Variants in OVCH1 observed in about 807,000 individuals in gnomAD.
OVCH1 encodes the protein ovochymase-1.
A neutral mutation model predicts 138.4 loss-of-function variants in OVCH1; 139 were observed. That is an observed-to-expected ratio of 1.00 (90% confidence interval 0.87 to 1.16). The LOEUF is 1.16. OVCH1 is among the 50% of genes most tolerant of loss of function. OVCH1 has a pLI of 0.00. For synonymous variants in OVCH1, 453 were observed against 467.8 expected, an observed-to-expected ratio of 0.97 and a Z score of 0.41; for missense variants, 1,367 against 1,357.9, an observed-to-expected ratio of 1.01 and a Z score of -0.11.
At chr12:29,451,054 G>C (rs1941777582) in intron 22 of OVCH1, among the ~76,000 whole-genome samples, 2 of 151,950 alleles carry the variant, frequency 1.3e-5, no homozygotes, top group Admixed American at 6.6e-5. Context: ...ACTAGGAGAA[G>C]TAACTAATGT....
At chr12:29,423,342 G>T (rs1045557606), downstream of OVCH1, 2 of 452,306 alleles carry the variant, frequency 4.4e-6, no homozygotes, top group Non-Finnish European at 8.9e-6. Flanking sequence ...CTTTTTCTGT[G>T]CAATGACATA....
At chr12:29,415,181 A>G (rs2135875932) in intron 3 of OVCH1, among the ~76,000 whole-genome samples, 1 of 152,334 alleles carries the variant, frequency 6.6e-6, no homozygotes, top group East Asian at 1.9e-4. Flanking sequence ...TGTTGGTATC[A>G]GGTGGTGTTA....
At chr12:29,473,187 A>C in intron 14 of OVCH1, 84 bp from the exon 15 acceptor site, 2 of 898,370 alleles carry the variant, frequency 2.2e-6, no homozygotes. Context: ...TAAATCATAA[A>C]ACTACTCTAC....
At chr12:29,407,969 C>T (rs1376072223), downstream of OVCH1, among the ~76,000 whole-genome samples, 3 of 144,542 alleles carry the variant, frequency 2.1e-5, no homozygotes, top group East Asian at 2.0e-4. Context: ...TGTTTGTATC[C>T]TCTTTTATTT....
chr12:29,413,056 C>A (rs919452092), intron 3 of OVCH1, among the ~76,000 whole-genome samples: 28 of 147,216 alleles, frequency 1.9e-4, no homozygotes, highest in African/African-American at 6.5e-4. Context: ...GAGATGAGAT[C>A]TTGCCATTTT....
intron 19 of OVCH1, 181 bp downstream of exon 19, chr12:29,461,673 A>G (rs934606242): frequency 2.5e-6 from 2 of 802,656 alleles, no homozygotes; most frequent in Admixed American, 4.1e-5. Context: ...ACTCTCTGAC[A>G]TCTCAGCAAA....
intron 26 of OVCH1, among the ~76,000 whole-genome samples, chr12:29,436,688 G>A (rs1195552619): frequency 8.1e-5 from 12 of 148,550 alleles, no homozygotes; most frequent in African/African-American, 3.1e-4. Context: ...GACTTCAGGA[G>A]TGAAGCCGCA....
At chr12:29,455,683 T>A (rs1385267875) in intron 19 of OVCH1, among the ~76,000 whole-genome samples, 2 of 152,166 alleles carry the variant, frequency 1.3e-5, no homozygotes, top group Non-Finnish European at 2.9e-5. Flanking sequence ...CCCAGCCCCA[T>A]CGGAGGGAGA....
At chr12:29,492,637 CA>C (rs2136091048) in intron 4 of OVCH1, among the ~76,000 whole-genome samples, 1 of 152,138 alleles carries the variant, frequency 6.6e-6, no homozygotes, top group African/African-American at 2.4e-5. Flanking sequence ...AAGCAGAAGC[CA>C]ACAGGATTTT....
chr12:29,457,203 G>T (rs923764346), intron 19 of OVCH1, among the ~76,000 whole-genome samples: 4 of 152,108 alleles, frequency 2.6e-5, no homozygotes, highest in South Asian at 4.2e-4. Context: ...ACAATGGTCT[G>T]ATGTATCCAG....
chr12:29,407,646 G>C (rs559941869), downstream of OVCH1, among the ~76,000 whole-genome samples: 2 of 152,188 alleles, frequency 1.3e-5, no homozygotes, highest in East Asian at 3.9e-4. Flanking sequence ...TGAGGGCTCT[G>C]TTCTGTTCCA....
At chr12:29,480,010 G>T (rs1011487981) in intron 8 of OVCH1, among the ~76,000 whole-genome samples, 22 of 151,626 alleles carry the variant, frequency 1.5e-4, no homozygotes, top group African/African-American at 5.3e-4. Flanking sequence ...TTTTAGTAGA[G>T]ACAGGGTTTC....
intron 16 of OVCH1, among the ~76,000 whole-genome samples, chr12:29,471,513 C>T (rs1942506235): frequency 6.6e-6 from 1 of 152,116 alleles, no homozygotes; most frequent in Non-Finnish European, 1.5e-5. Context: ...GAAAGAAGAA[C>T]CTGACTTAGT....
intron 8 of OVCH1, among the ~76,000 whole-genome samples, chr12:29,481,496 T>C (rs1405295571): frequency 6.6e-6 from 1 of 152,210 alleles, no homozygotes; most frequent in African/African-American, 2.4e-5. Context: ...TCTACTAAAG[T>C]TGAAGCAATT....
At chr12:29,477,883 C>T (rs572372075) in intron 9 of OVCH1, among the ~76,000 whole-genome samples, 7 of 152,298 alleles carry the variant, frequency 4.6e-5, no homozygotes, top group African/African-American at 1.7e-4. Context: ...TCTCAAAAAA[C>T]GTCCAGTACC....
At chr12:29,478,612 C>A (rs944263012) in intron 9 of OVCH1, among the ~76,000 whole-genome samples, 1 of 152,098 alleles carries the variant, frequency 6.6e-6, no homozygotes, top group African/African-American at 2.4e-5. Context: ...AGGGAAAAGT[C>A]TGTAAGATAA....
chr12:29,431,224 C>T (rs1320222725), intron 27 of OVCH1, among the ~76,000 whole-genome samples: 3 of 152,052 alleles, frequency 2.0e-5, no homozygotes, highest in Non-Finnish European at 4.4e-5. Context: ...ATTGCTTGAG[C>T]CCAGGAGGTT....
chr12:29,496,411 A>G, intron 2 of OVCH1, 133 bp from the exon 3 acceptor site: 1 of 1,137,074 alleles, frequency 8.8e-7, no homozygotes, highest in South Asian at 1.5e-5. Context: ...GGATAGTAAG[A>G]TAGTTCCTAC....
At chr12:29,414,698 A>G (rs76416033) in intron 3 of OVCH1, among the ~76,000 whole-genome samples, 6,586 of 152,208 alleles carry the variant, frequency 0.043, 445 homozygotes, top group African/African-American at 0.14. Context: ...TAGCAATTCT[A>G]CTTCTGGGAA....
Sources: allele counts gnomAD v4.1 joint callset (sites outside exome capture counted in the v4.1 genomes callset), GRCh38; gene constraint gnomAD v4.1.1; transcripts MANE v1.5; gene names NCBI Gene and HGNC (gene_info 2026-07-23, HGNC 2026-07-21).